Variants in GDI2 observed in about 807,000 individuals in gnomAD.
GDI2 encodes the protein GDP dissociation inhibitor 2.
In GDI2, 22 loss-of-function variants were observed where a neutral mutation model predicts 54.2. The ratio of observed to expected loss-of-function variants is 0.41; its 90% confidence interval spans 0.29 to 0.58. GDI2 has a LOEUF of 0.58. GDI2 is among the 20% of genes least tolerant of loss of function. The pLI is 0.35. For synonymous variants in GDI2, 177 were observed against 182.1 expected (o/e 0.97, Z 0.23); for missense variants, 422 against 546.0 (o/e 0.77, Z 2.26).
At chr10:5,787,330 C>T (rs1401272364) in intron 4 of GDI2, among the ~76,000 whole-genome samples, 1 of 152,106 alleles carries the variant, frequency 6.6e-6, no homozygotes, top group African/African-American at 2.4e-5. Flanking sequence ...CATGGTGAAA[C>T]CCCATCTCTA....
intron 4 of GDI2, 80 bp downstream of exon 4, chr10:5,794,805 C>G (rs751091048): frequency 3.0e-4 from 291 of 968,596 alleles, no homozygotes; most frequent in Middle Eastern, 1.0e-3. Flanking sequence ...ACTGGGTCCT[C>G]TCTAAGACTC....
chr10:5,773,205 TA>T (rs1361526243), intron 7 of GDI2, among the ~76,000 whole-genome samples: 2 of 148,142 alleles, frequency 1.4e-5, no homozygotes, highest in African/African-American at 5.3e-5. Context: ...AGCTTAATGT[TA>T]AAAAGATAAA....
chr10:5,799,488 C>A (rs1170006047), intron 2 of GDI2, among the ~76,000 whole-genome samples: 1 of 151,474 alleles, frequency 6.6e-6, no homozygotes, highest in Admixed American at 6.6e-5. Flanking sequence ...CCCGTCTCTA[C>A]TAAAAATACA....
chr10:5,805,363 TAAAAAAAAAAAAAA>T (rs33941987), intron 1 of GDI2, among the ~76,000 whole-genome samples: 29 of 105,900 alleles, frequency 2.7e-4, no homozygotes, highest in Non-Finnish European at 3.8e-4. Flanking sequence ...ATTTGCTCTT[TAAAAAAAAAAAAAA>T]AAAAAAAAAG....
chr10:5,783,064 A>G (rs1840797122), intron 6 of GDI2, among the ~76,000 whole-genome samples: 1 of 152,204 alleles, frequency 6.6e-6, no homozygotes, highest in African/African-American at 2.4e-5. Flanking sequence ...ATCTATAGTG[A>G]CAGAAATCAC....
intron 1 of GDI2, among the ~76,000 whole-genome samples, chr10:5,801,284 G>A (rs1476854341): frequency 6.6e-6 from 1 of 152,202 alleles, no homozygotes; most frequent in African/African-American, 2.4e-5. Context: ...CACTTCCACT[G>A]ATGATGTAAA....
intron 7 of GDI2, among the ~76,000 whole-genome samples, chr10:5,773,117 C>A (rs866739286): frequency 2.0e-5 from 3 of 152,220 alleles, no homozygotes; most frequent in Admixed American, 6.5e-5. Flanking sequence ...AAACTCTGAT[C>A]TCAAACTTTC....
chr10:5,775,032 A>C (rs1358491790), intron 6 of GDI2, among the ~76,000 whole-genome samples: 1 of 152,246 alleles, frequency 6.6e-6, no homozygotes, highest in Admixed American at 6.5e-5. Context: ...GTTCACGCCT[A>C]ATGCCACCAC....
At chr10:5,781,424 G>A (rs562660697) in intron 6 of GDI2, among the ~76,000 whole-genome samples, 5 of 149,686 alleles carry the variant, frequency 3.3e-5, no homozygotes, top group East Asian at 2.0e-4. Context: ...TCAGCAGATC[G>A]ACACCATCCC....
intron 4 of GDI2, among the ~76,000 whole-genome samples, chr10:5,792,133 A>G (rs1342594923): frequency 1.3e-5 from 2 of 152,262 alleles, no homozygotes; most frequent in Admixed American, 6.5e-5. Flanking sequence ...AAAAAGCAAT[A>G]TATTAATAGC....
chr10:5,791,705 A>C (rs1445908989), intron 4 of GDI2, among the ~76,000 whole-genome samples: 2 of 149,174 alleles, frequency 1.3e-5, no homozygotes, highest in African/African-American at 5.0e-5. Flanking sequence ...GCACCATTGC[A>C]CTCCAGCCTG....
chr10:5,791,300 T>C (rs2131704467), intron 4 of GDI2, among the ~76,000 whole-genome samples: 1 of 151,690 alleles, frequency 6.6e-6, no homozygotes, highest in African/African-American at 2.4e-5. Context: ...TTCAAAAAAA[T>C]AAATACATAA....
chr10:5,811,179 C>T (rs1841473983), intron 1 of GDI2, among the ~76,000 whole-genome samples: 1 of 152,168 alleles, frequency 6.6e-6, no homozygotes, highest in African/African-American at 2.4e-5. Context: ...GTCATCACTA[C>T]TCCTATCAAT....
At chr10:5,779,189 C>T (rs1840694553) in intron 6 of GDI2, among the ~76,000 whole-genome samples, 2 of 152,086 alleles carry the variant, frequency 1.3e-5, no homozygotes, top group South Asian at 2.1e-4. Context: ...GTACTCAAAA[C>T]AGTCAAGTAA....
At chr10:5,781,948 G>C (rs992166460) in intron 6 of GDI2, among the ~76,000 whole-genome samples, 5 of 152,346 alleles carry the variant, frequency 3.3e-5, no homozygotes, top group African/African-American at 9.6e-5. Flanking sequence ...GGGAGGCAGA[G>C]GTTGTAGTGA....
chr10:5,782,398 A>G (rs1588973897), intron 6 of GDI2, among the ~76,000 whole-genome samples: 1 of 152,214 alleles, frequency 6.6e-6, no homozygotes, highest in African/African-American at 2.4e-5. Context: ...ACCACTCCAG[A>G]ACACTGTTTT....
Position 5,796,867 on chromosome 10 carries a change from AAGC to A in GDI2, c.154-8_154-6del, listed in dbSNP as rs1288125326. ...TATTTTAAATCTTTTGTATAACTAA[AAGC>A]AAGGAAAAACATAGCCATAATGTTA... On this transcript the variant is annotated splice_polypyrimidine_tract_variant and splice_region_variant and intron_variant, in intron 2 of 10. Transcript: ENST00000380191. The A allele has an allele frequency of 1.4e-6, 2 of 1,402,310 alleles. No homozygotes were observed. Among genetic ancestry groups the A allele is most frequent in the Non-Finnish European group, 2.0e-6 (2 of 989,720 alleles). The allele number at this position is 1,402,310 out of a possible 1,614,324, so 86.9% of individuals were successfully genotyped here. A position where few individuals can be genotyped will look rare whatever the true frequency, so the allele number is the denominator to read the frequency against.
chr10:5,776,825 G>A lies in GDI2; in HGVS notation c.720-2884C>T, dbSNP rs753921624. On this transcript the variant is annotated intron_variant, in intron 6 of 10. Coordinates refer to ENST00000380191, the MANE Select transcript of GDI2 (RefSeq NM_001494.4). This position sits in a 1 kb window ranked among gnomAD's most constrained non-coding sequence, Gnocchi z 5.3. ...TCCATCTCCAGAACTTCCCCTTATG[G>A]AGCTGAGGATATTCTGAAAGGATTT... The A allele has an allele frequency of 5.7e-6, 8 of 1,413,874 alleles. No homozygotes were observed. In the Admixed American group the frequency reaches 6.0e-5, roughly 11 times the overall value. The allele number at this position is 1,413,874 out of a possible 1,614,324, so 87.6% of individuals were successfully genotyped here.
intron 6 of GDI2, among the ~76,000 whole-genome samples, chr10:5,775,670 A>C (rs1050985757): frequency 6.6e-6 from 1 of 152,270 alleles, no homozygotes; most frequent in Non-Finnish European, 1.5e-5. Flanking sequence ...GGAATCCACC[A>C]GAAATAAACA....
Sources: allele counts gnomAD v4.1 joint callset (sites outside exome capture counted in the v4.1 genomes callset), GRCh38; gene constraint gnomAD v4.1.1; non-coding constraint Gnocchi (gnomAD v3.1); transcripts MANE v1.5; gene names NCBI Gene and HGNC (gene_info 2026-07-23, HGNC 2026-07-21).